Variants in FOXP2 observed in about 807,000 individuals in gnomAD.
FOXP2 encodes the protein forkhead box P2.
A neutral mutation model predicts 115.8 loss-of-function variants in FOXP2; 12 were observed. The observed-to-expected ratio is 0.10, with a 90% confidence interval of 0.07 to 0.17. The LOEUF (loss-of-function observed/expected upper bound fraction) is 0.17, where lower values mean the gene tolerates loss of function less well. Ranked by LOEUF, FOXP2 falls within the 10% of genes least tolerant of loss-of-function variation. The pLI, the probability that FOXP2 is intolerant of heterozygous loss-of-function variation, is 1.00. For synonymous variants in FOXP2, 328 were observed against 297.7 expected, an observed-to-expected ratio of 1.10 and a Z score of -1.05; for missense variants, 629 against 843.5, an observed-to-expected ratio of 0.75 and a Z score of 3.15.
Position 114,475,835 on chromosome 7 carries a change from A to G in FOXP2, c.168+49156A>G, listed in dbSNP as rs115858499. On this transcript the variant is annotated intron_variant, in intron 2 of 16. Coordinates refer to ENST00000350908, the MANE Select transcript of FOXP2 (RefSeq NM_014491.4). ...GAAACTAATATCTATATCTATCTAA[A>G]TAGATATAGATATTGACTATGACTA... Among the ~76,000 whole-genome samples, 672 of 152,014 alleles carry G rather than the reference A, an allele frequency of 4.4e-3. 8 individuals are homozygous for G. Among genetic ancestry groups the G allele is most frequent in the African/African-American group, 0.015 (630 of 41,512 alleles).
chr7:114,092,695 A>G (rs1490366867), intron 1 of FOXP2, among the ~76,000 whole-genome samples: 1 of 152,072 alleles, frequency 6.6e-6, no homozygotes, highest in African/African-American at 2.4e-5. Flanking sequence ...CTGTCATAAA[A>G]TCATCTCATT....
In FOXP2 at chr7:114,662,203, T is replaced by C; in HGVS notation, c.1769+17T>C. The stretch of plus-strand genomic sequence containing the variant: ...GATAACAGGGTATGTTTGTGATAGT[T>C]TTGTAATCCTGTATCCTGCATCCAC... On this transcript the variant is annotated intron_variant, in intron 14 of 16. Transcript: ENST00000350908. 1 of 1,611,968 alleles carries C rather than the reference T, an allele frequency of 6.2e-7. No individual in the cohort carries two copies. Among genetic ancestry groups the C allele is most frequent in the Non-Finnish European group, 8.5e-7 (1 of 1,178,490 alleles).
chr7:114,170,756 C>G (rs1793115921), intron 1 of FOXP2, among the ~76,000 whole-genome samples: 1 of 152,058 alleles, frequency 6.6e-6, no homozygotes, highest in Non-Finnish European at 1.5e-5. Flanking sequence ...GAGGAAGATG[C>G]AAGAAAAATG....
chr7:114,215,660 T>A (rs188270025), intron 1 of FOXP2, among the ~76,000 whole-genome samples: 1 of 152,264 alleles, frequency 6.6e-6, no homozygotes, highest in East Asian at 1.9e-4. Context: ...TACTGCTTTT[T>A]TTTTTTTCTT....
intron 2 of FOXP2, among the ~76,000 whole-genome samples, chr7:114,316,070 A>T (rs931425232): frequency 2.6e-5 from 4 of 152,132 alleles, no homozygotes; most frequent in Non-Finnish European, 5.9e-5. Context: ...TGAAAAAGAC[A>T]TTTGTTTACA....
intron 3 of FOXP2, among the ~76,000 whole-genome samples, chr7:114,552,876 A>G (rs1463763787): frequency 6.6e-6 from 1 of 152,164 alleles, no homozygotes; most frequent in Non-Finnish European, 1.5e-5. Context: ...CAATCACTAT[A>G]ACTTAGCTTT....
intron 2 of FOXP2, among the ~76,000 whole-genome samples, chr7:114,487,683 A>C (rs777430713): frequency 6.6e-6 from 1 of 152,140 alleles, no homozygotes; most frequent in African/African-American, 2.4e-5. Context: ...AGTTCCACAT[A>C]TTGCTAGGGC....
At chr7:114,382,305 A>T (rs1446570704) in intron 2 of FOXP2, among the ~76,000 whole-genome samples, 2 of 152,142 alleles carry the variant, frequency 1.3e-5, no homozygotes, top group Non-Finnish European at 1.5e-5. Context: ...GGGTGATGGC[A>T]TGGGCTGGCG....
intron 2 of FOXP2, among the ~76,000 whole-genome samples, chr7:114,519,151 C>A (rs972536959): frequency 1.3e-5 from 2 of 152,132 alleles, no homozygotes; most frequent in South Asian, 4.1e-4. Flanking sequence ...TAGCTAAGAT[C>A]TTTAAAATAA....
chr7:114,489,511 A>C (rs897260056), intron 2 of FOXP2, among the ~76,000 whole-genome samples: 1 of 151,760 alleles, frequency 6.6e-6, no homozygotes, highest in Non-Finnish European at 1.5e-5. Context: ...CCTCCTTTCC[A>C]GTATTTCCCA....
At chr7:114,487,643 G>A (rs576171027) in intron 2 of FOXP2, among the ~76,000 whole-genome samples, 21 of 151,890 alleles carry the variant, frequency 1.4e-4, no homozygotes, top group Non-Finnish European at 3.1e-4. Context: ...ATTCTTCCAC[G>A]AGATACCCCA....
chr7:114,495,527 CAG>C (rs897155754), intron 2 of FOXP2, among the ~76,000 whole-genome samples: 7 of 79,286 alleles, frequency 8.8e-5, no homozygotes, highest in Admixed American at 1.9e-4. Context: ...ATTGTTGAGA[CAG>C]AGTTTCACCC....
intron 2 of FOXP2, among the ~76,000 whole-genome samples, chr7:114,450,539 TA>T (rs1383262629): frequency 2.0e-5 from 3 of 152,092 alleles, no homozygotes; most frequent in Non-Finnish European, 2.9e-5. Context: ...TATTAATCTC[TA>T]AAAATGACAG....
Position 114,252,786 on chromosome 7 carries a change from A to G in FOXP2, c.-101-35233A>G, listed in dbSNP as rs183036676. Among the ~76,000 whole-genome samples, 422 of 151,922 alleles carry G rather than the reference A, an allele frequency of 2.8e-3. 2 individuals carry two copies. Among genetic ancestry groups the G allele is most frequent in the African/African-American group, 9.4e-3 (387 of 41,376 alleles). On this transcript the variant is annotated intron_variant, in intron 1 of 17. Coordinates refer to the FOXP2 transcript ENST00000634411. ...TTTTTGAAGGGTTTTTTGTGTCTCT[A>G]TCTCCTTCAGTTCTGCTCTGATCTT...
At chr7:114,548,055 C>A (rs1800019898) in intron 3 of FOXP2, among the ~76,000 whole-genome samples, 1 of 152,146 alleles carries the variant, frequency 6.6e-6, no homozygotes. Context: ...GACAGAGGAC[C>A]AAGGTTCCTT....
chr7:114,317,672 C>T (rs1041969129), intron 2 of FOXP2, among the ~76,000 whole-genome samples: 8 of 152,126 alleles, frequency 5.3e-5, no homozygotes, highest in Non-Finnish European at 1.2e-4. Flanking sequence ...AAATTCAAAT[C>T]ATGTCACGTC....
chr7:114,481,512 G>C (rs1232748283), intron 2 of FOXP2, among the ~76,000 whole-genome samples: 1 of 151,248 alleles, frequency 6.6e-6, no homozygotes, highest in Admixed American at 6.6e-5. Flanking sequence ...TCTGCTAGAG[G>C]AGTGGGACAA....
intron 1 of FOXP2, among the ~76,000 whole-genome samples, chr7:114,124,767 AC>A (rs1411304354): frequency 3.3e-5 from 5 of 151,198 alleles, no homozygotes; most frequent in Non-Finnish European, 7.4e-5. Flanking sequence ...TGTTTTCTCC[AC>A]CTTACCCCTT....
rs76153494 is a variant in FOXP2, at chr7:114,354,926, G to C, written c.-11+66817G>C. 2.1e-4 allele frequency among the ~76,000 whole-genome samples: 32 copies of C among 152,122 alleles called. 2 individuals carry two copies. In the East Asian group the frequency reaches 6.0e-3, roughly 28 times the overall value. On this transcript the variant is annotated intron_variant, in intron 2 of 17. Coordinates refer to the FOXP2 transcript ENST00000634411. Reference sequence around the variant, plus strand: ...TTTATTGACAATTATTTTCATATTTGTAAATAAACGAGCATTGCTATTGCT... The same window carrying C: ...TTTATTGACAATTATTTTCATATTTCTAAATAAACGAGCATTGCTATTGCT...
Sources: gnomAD v4.1 joint callset for allele counts (sites outside exome capture counted in the v4.1 genomes callset) on GRCh38, gnomAD v4.1.1 for gene constraint, MANE v1.5 for transcripts, NCBI Gene and HGNC (gene_info 2026-07-23, HGNC 2026-07-21) for gene names.